SPNS1: variants seen among roughly 807,000 people sequenced by gnomAD.
SPNS1 encodes the protein protein spinster homolog 1.
Under a neutral mutation model 50.3 loss-of-function variants are expected in SPNS1, and 22 were observed. That is an observed-to-expected ratio of 0.44 (90% CI 0.31 to 0.62). The LOEUF (loss-of-function observed/expected upper bound fraction) is 0.62. SPNS1 is among the 20% of genes least tolerant of loss of function. The probability of loss-of-function intolerance (pLI) is 0.07; values close to 1 mark genes in which losing one functional copy is unlikely to be tolerated. For synonymous variants in SPNS1, 295 were observed against 317.4 expected (o/e 0.93, Z 0.75); for missense variants, 576 against 728.6 (o/e 0.79, Z 2.41).
chr16:28,980,323 G>A (rs1285843457), intron 5 of SPNS1: 2 of 152,080 alleles, frequency 1.3e-5, no homozygotes, highest in African/African-American at 4.8e-5. Flanking sequence ...TAGAGATGGG[G>A]TCTTTGTATG....
At position 28,981,655 on chromosome 16, in the gene SPNS1, CT is replaced by C; in HGVS notation, c.809+41del. On this transcript the variant is annotated intron_variant, in intron 6 of 11. Coordinates refer to ENST00000311008, the MANE Select transcript of SPNS1 (RefSeq NM_032038.3). This position sits in a 1 kb window ranked among gnomAD's most constrained non-coding sequence, Gnocchi z 4.2. ...ACCCTAGACCACCATCTGAGGCCCC[CT>C]GGCGTCTGGTTTGAGGTTTAAGTGG... 1 of 1,604,766 alleles carries C rather than the reference CT, an allele frequency of 6.2e-7. No individual in the cohort carries two copies. Among genetic ancestry groups the C allele is most frequent in the Non-Finnish European group, 8.5e-7 (1 of 1,174,136 alleles).
At position 28,974,881 on chromosome 16, in the gene SPNS1, C is replaced by A; in HGVS notation, c.-271C>A. The A allele has an allele frequency of 1.3e-6, 2 of 1,534,238 alleles. No homozygotes were observed. Among genetic ancestry groups the A allele is most frequent in the East Asian group, 4.9e-5 (2 of 41,006 alleles). On this transcript the variant is annotated 5_prime_UTR_variant, in exon 1 of 12. Transcript: ENST00000311008. ...TACCCCGGGTGAGGGGTGGCCTCCG[C>A]GTGGGATCGTGCCCTCTTCAGCCCG...
At chr16:28,978,547 T>A (rs1007153489) in intron 3 of SPNS1, 5 of 159,568 alleles carry the variant, frequency 3.1e-5, no homozygotes, top group South Asian at 3.5e-4. Context: ...AACTTCCTGG[T>A]CCTGTTCATG....
Position 28,979,136 on chromosome 16 carries a change from C to G in SPNS1, c.445-19C>G, listed in dbSNP as rs747261909. ...GGTTGCAGGCTGGGGTGCCACCTCTCCCCGGTCTCTCTCCCCAGCATTTCT... is the reference window on the plus strand; with the variant it reads ...GGTTGCAGGCTGGGGTGCCACCTCTGCCCGGTCTCTCTCCCCAGCATTTCT... On this transcript the variant is annotated intron_variant, in intron 3 of 11. Coordinates refer to ENST00000311008, the MANE Select transcript of SPNS1 (RefSeq NM_032038.3). The G allele has an allele frequency of 1.6e-5, 26 of 1,609,712 alleles. No individual in the cohort carries two copies. The highest frequency in any genetic ancestry group is 2.1e-5 in the Non-Finnish European group (25 of 1,178,132).
rs1265293157 is a variant in SPNS1 at position 28,983,972 on chromosome 16, G to A, written c.1492+15G>A. ...GCACGTGCAGGGTCAGTTAGGAGCT[G>A]TGCCCGGCCCAGCTTCTTGATCTGC... On this transcript the variant is annotated intron_variant, in intron 11 of 11. Transcript: ENST00000311008. This position sits in a 1 kb window ranked among gnomAD's most constrained non-coding sequence, Gnocchi z 5.4. 6 of 1,544,640 alleles carry A rather than the reference G, an allele frequency of 3.9e-6. No individual in the cohort carries two copies. Among genetic ancestry groups the A allele is most frequent in the African/African-American group, 1.4e-5 (1 of 73,054 alleles).
At chr16:28,977,361 T>G (rs1965380853) in intron 2 of SPNS1, among the ~76,000 whole-genome samples, 1 of 148,772 alleles carries the variant, frequency 6.7e-6, no homozygotes, top group Non-Finnish European at 1.5e-5. Flanking sequence ...GAGAGTCAGG[T>G]ACTGGATGTG....
chr16:28,983,810 T>TGG lies in SPNS1; in HGVS notation c.1346_1347dup (p.Pro450GlyfsTer?). The TGG allele has an allele frequency of 6.2e-7, 1 of 1,601,290 alleles. No homozygotes were observed. Among genetic ancestry groups the TGG allele is most frequent in the Non-Finnish European group, 8.5e-7 (1 of 1,176,428 alleles). ...GATCTCTGACCGCCTGCGCCGGAAC[T>TGG]GGCCCCCCTCCTTCTTGTCCGAGTT... On this transcript the variant is annotated frameshift_variant, in exon 11 of 12. Coordinates refer to ENST00000311008, the MANE Select transcript of SPNS1 (RefSeq NM_032038.3). LOFTEE classifies it high-confidence loss of function. The surrounding 1 kb of genome is among the most constrained non-coding windows in gnomAD (Gnocchi z 5.4).
rs772584925 is a variant in SPNS1, at chr16:28,982,426, C to T, written c.1036C>T (p.Arg346Trp). Residue 346 changes from arginine (R) to tryptophan (W), a missense_variant, in exon 8 of 12, where the codon CGG (arginine) becomes TGG (tryptophan). Around this residue, in one of 3 missense-constraint regions of SPNS1, gnomAD observed 428 missense variants for 520.1 expected, o/e 0.82. Transcript: ENST00000311008. Reference sequence around the variant, plus strand: ...GGGCCTGGGTGTGGAGATCAGCCGCCGGCTCCGCCACTCCAACCCCCGGGC... The same window carrying T: ...GGGCCTGGGTGTGGAGATCAGCCGCTGGCTCCGCCACTCCAACCCCCGGGC... ...GVGLGVEISR[R>W]LRHSNPRADP... 8.7e-6 allele frequency: 14 copies of T among 1,613,096 alleles called. No homozygotes were observed. The East Asian group carries it at 1.1e-4, about 13-fold the overall frequency.
chr16:28,978,991 C>T (rs777468438), intron 3 of SPNS1, among the ~76,000 whole-genome samples, 164 bp from the exon 4 acceptor site: 4 of 152,122 alleles, frequency 2.6e-5, no homozygotes, highest in African/African-American at 9.7e-5. Flanking sequence ...TTCCCCAAAT[C>T]GCAGCTAGTA....
In SPNS1 at chr16:28,977,903, C is replaced by G. The variant is rs753871768; in HGVS notation, c.308-5C>G. ...GCTGAGCTGTGACTCTCTGCTTCCC[C>G]CTAGTGTTCATCTCCAGTTACATGG... On this transcript the variant is annotated splice_region_variant and splice_polypyrimidine_tract_variant and intron_variant, in intron 2 of 11. Transcript: ENST00000311008. 6.2e-7 allele frequency: 1 copy of G among 1,613,426 alleles called. No homozygotes were observed. The highest frequency in any genetic ancestry group is 1.1e-5 in the South Asian group (1 of 91,024).
chr16:28,979,366 C>T (rs1567523194), intron 4 of SPNS1, 39 bp from the exon 5 acceptor site: 2 of 1,613,872 alleles, frequency 1.2e-6, no homozygotes, highest in East Asian at 2.2e-5. Context: ...ACTGGACTGA[C>T]TGGCTGTCCC....
chr16:28,984,085 G>T, intron 11 of SPNS1, 120 bp from the exon 12 acceptor site: 12 of 1,435,028 alleles, frequency 8.4e-6, no homozygotes, highest in Non-Finnish European at 1.1e-5. Flanking sequence ...CAGTCTGTCT[G>T]CATCCACCCC....
At position 28,983,201 on chromosome 16, in the gene SPNS1, A is replaced by T; in HGVS notation, c.1231A>T (p.Ile411Phe). 7 of 1,605,884 alleles carry T rather than the reference A, an allele frequency of 4.4e-6. No homozygotes were observed. The South Asian group carries it at 7.7e-5, about 18-fold the overall frequency. ...ACCAACTCCTCCACAGTACGTGGTG[A>T]TCCCTACCCGACGCTCCACCGCCGA... The part of the protein sequence containing the change: ...IVADILLYVV[I>F]PTRRSTAEAF... The change falls in exon 10 of 12, where the codon ATC (isoleucine) becomes TTC (phenylalanine). Residue 411 changes from isoleucine to phenylalanine, a missense_variant. Physicochemically the swap from Ile to Phe is conservative, Grantham distance 21. This residue lies in a region of SPNS1 where 428 missense variants were observed against 520.1 expected (regional missense o/e 0.82). Coordinates refer to ENST00000311008, the MANE Select transcript of SPNS1 (RefSeq NM_032038.3). This position sits in a 1 kb window ranked among gnomAD's most constrained non-coding sequence, Gnocchi z 5.4.
chr16:28,975,593 C>T (rs2141661598), intron 2 of SPNS1, 36 bp downstream of exon 2: 1 of 1,611,420 alleles, frequency 6.2e-7, no homozygotes, highest in Non-Finnish European at 8.5e-7. Context: ...ACAGCCGCTC[C>T]TCCTTCTGTT....
rs772959320 is a variant in SPNS1 at position 28,975,253 on chromosome 16, G to C, written c.102G>C (p.Pro34=). The C allele has an allele frequency of 2.6e-6, 4 of 1,546,122 alleles. No individual in the cohort carries two copies. The East Asian group carries it at 9.5e-5, about 37-fold the overall frequency. ...GGTTGCCAGGGTCCACGGGGAACCCGAAGTCCGAGGAGCCCGAGGTCCCGG... is the reference window on the plus strand; with the variant it reads ...GGTTGCCAGGGTCCACGGGGAACCCCAAGTCCGAGGAGCCCGAGGTCCCGG... ...TPGLPGSTGN[P]KSEEPEVPDQ... The change falls in exon 1 of 12, where the codon CCG becomes CCC. Residue 34 remains proline (P), a synonymous_variant. Coordinates refer to ENST00000311008, the MANE Select transcript of SPNS1 (RefSeq NM_032038.3).
In SPNS1 at chr16:28,983,036, A is replaced by G. The variant is rs894755420; in HGVS notation, c.1221+114A>G. 6 of 1,325,842 alleles carry G rather than the reference A, an allele frequency of 4.5e-6. No homozygotes were observed. Among genetic ancestry groups the G allele is most frequent in the Non-Finnish European group, 6.4e-6 (6 of 930,258 alleles). 82.1% of individuals were successfully genotyped at this position (1,325,842 alleles called of 1,614,324 possible). On this transcript the variant is annotated intron_variant, in intron 9 of 11. Transcript: ENST00000311008. The surrounding 1 kb of genome is among the most constrained non-coding windows in gnomAD (Gnocchi z 5.4). Reference sequence around the variant, plus strand: ...AGCCTCAACCTACCTTCTGCAATAAATAACATCTGTAGCAGACCCCCGGCC... The same window carrying G: ...AGCCTCAACCTACCTTCTGCAATAAGTAACATCTGTAGCAGACCCCCGGCC...
At chr16:28,984,663 C>T (rs1891635055), downstream of SPNS1, 13 of 637,516 alleles carry the variant, frequency 2.0e-5, 1 homozygote, top group South Asian at 2.4e-4. Context: ...CTCTGCCCTT[C>T]TGGGCTGGGC....
intron 2 of SPNS1, among the ~76,000 whole-genome samples, chr16:28,977,049 G>T (rs1240104514): frequency 2.0e-5 from 3 of 152,230 alleles, no homozygotes; most frequent in Non-Finnish European, 2.9e-5. Context: ...TCCAGGCGCT[G>T]TGGCTCACAC....
chr16:28,983,153 G>T lies in SPNS1; in HGVS notation c.1222-39G>T. The T allele has an allele frequency of 6.6e-7, 1 of 1,520,490 alleles. No homozygotes were observed. Among genetic ancestry groups the T allele is most frequent in the Non-Finnish European group, 9.1e-7 (1 of 1,096,686 alleles). The allele number at this position is 1,520,490 out of a possible 1,614,324, so 94.2% of individuals were successfully genotyped here. On this transcript the variant is annotated intron_variant, in intron 9 of 11. Coordinates refer to ENST00000311008, the MANE Select transcript of SPNS1 (RefSeq NM_032038.3). This position sits in a 1 kb window ranked among gnomAD's most constrained non-coding sequence, Gnocchi z 5.4. The stretch of plus-strand genomic sequence containing the variant: ...GGCCCCCTGCCTCCTGCCCCCTGGA[G>T]CCCAGAGCATCCACTGAGCTCCACC...
Sources: gnomAD v4.1 joint callset for allele counts (sites outside exome capture counted in the v4.1 genomes callset) on GRCh38, gnomAD v4.1.1 for gene constraint, gnomAD v4.1.1 regional missense constraint, Gnocchi (gnomAD v3.1) non-coding constraint, MANE v1.5 for transcripts, NCBI Gene and HGNC (gene_info 2026-07-23, HGNC 2026-07-21) for gene names.